The following EYS variants were observed in gnomAD, a reference collection of about 807,000 sequenced individuals.
EYS encodes the protein EGF-like photoreceptor maintenance factor, also known as protein eyes shut homolog.
Under a neutral mutation model 282.1 loss-of-function variants are expected in EYS, and 250 were observed. That is an observed-to-expected ratio of 0.89 (90% CI 0.80 to 0.98). The LOEUF (loss-of-function observed/expected upper bound fraction) is 0.98. Among genes scored for constraint, EYS ranks in the 50% least tolerant of loss-of-function variants. EYS has a pLI of 0.00. For missense variants in EYS, 4,016 were observed against 3,709.0 expected (o/e 1.08, Z -2.15); for synonymous variants, 1,355 against 1,282.9 (o/e 1.06, Z -1.20).
intron 26 of EYS, among the ~76,000 whole-genome samples, chr6:64,586,752 T>G (rs1766246049): frequency 6.6e-6 from 1 of 152,080 alleles, no homozygotes; most frequent in African/African-American, 2.4e-5. Flanking sequence ...TTATCTGCAG[T>G]GTACATTTTT....
chr6:65,500,383 T>A (rs1006136440), intron 2 of EYS, among the ~76,000 whole-genome samples: 2 of 152,038 alleles, frequency 1.3e-5, no homozygotes, highest in African/African-American at 4.8e-5. Context: ...GTTTTCAGAA[T>A]TTTTAGAGTT....
At chr6:63,837,083 A>G (rs1771828248) in intron 36 of EYS, among the ~76,000 whole-genome samples, 1 of 152,082 alleles carries the variant, frequency 6.6e-6, no homozygotes, top group Non-Finnish European at 1.5e-5. Context: ...CATTCAATCA[A>G]TATTTTTTGA....
At chr6:65,449,710 G>A (rs527799023) in intron 5 of EYS, among the ~76,000 whole-genome samples, 1 of 152,048 alleles carries the variant, frequency 6.6e-6, no homozygotes, top group East Asian at 1.9e-4. Context: ...TACGAAGAAA[G>A]GACCTTGTTC....
intron 24 of EYS, among the ~76,000 whole-genome samples, chr6:64,616,442 C>T (rs1052605787): frequency 1.3e-5 from 2 of 152,124 alleles, no homozygotes; most frequent in African/African-American, 2.4e-5. Flanking sequence ...CATATCCCTC[C>T]AAAACAGATG....
At chr6:64,885,497 C>T (rs1397260498) in intron 19 of EYS, among the ~76,000 whole-genome samples, 2 of 151,626 alleles carry the variant, frequency 1.3e-5, no homozygotes, top group African/African-American at 2.4e-5. Context: ...GTAACAACAA[C>T]AAGGTGAATG....
chr6:64,017,271 CA>C (rs1443654765), intron 33 of EYS, among the ~76,000 whole-genome samples: 2 of 151,950 alleles, frequency 1.3e-5, no homozygotes, highest in African/African-American at 4.8e-5. Context: ...AAGAGAATTA[CA>C]GTGCCTGACA....
At chr6:64,128,125 A>C (rs114470094) in intron 31 of EYS, among the ~76,000 whole-genome samples, 4 of 152,116 alleles carry the variant, frequency 2.6e-5, no homozygotes, top group African/African-American at 9.7e-5. Flanking sequence ...TTTCTCCAAT[A>C]TAATAGTAAC....
At chr6:65,240,801 G>T (rs1211358260) in intron 12 of EYS, among the ~76,000 whole-genome samples, 1 of 152,126 alleles carries the variant, frequency 6.6e-6, no homozygotes, top group Non-Finnish European at 1.5e-5. Flanking sequence ...TATATATCCA[G>T]TAATGGGTTT....
At chr6:64,572,209 A>G (rs1389849399) in intron 26 of EYS, among the ~76,000 whole-genome samples, 22 of 152,194 alleles carry the variant, frequency 1.4e-4, no homozygotes, top group Admixed American at 1.4e-3. Context: ...GAAAAGACCT[A>G]CGATAAAATT....
chr6:63,984,229 C>G (rs1463500010), intron 35 of EYS, among the ~76,000 whole-genome samples, 154 bp downstream of exon 35: 1 of 151,700 alleles, frequency 6.6e-6, no homozygotes, highest in Non-Finnish European at 1.5e-5. Context: ...CAAGAATTTA[C>G]CACATGTGTG....
At chr6:63,841,380 G>A (rs1041480886) in intron 36 of EYS, among the ~76,000 whole-genome samples, 5 of 152,058 alleles carry the variant, frequency 3.3e-5, no homozygotes, top group Non-Finnish European at 7.4e-5. Context: ...TTACAACTTT[G>A]CCACTAATTA....
chr6:65,085,263 A>G (rs35791922), intron 12 of EYS, among the ~76,000 whole-genome samples: 6,175 of 152,232 alleles, frequency 0.041, 185 homozygotes, highest in South Asian at 0.064. Flanking sequence ...TTATGACAAC[A>G]TTCAATCAGA....
At position 64,274,486 on chromosome 6, in the gene EYS, T is replaced by TTTTTTTTGTTTG. The variant is rs1554224752; in HGVS notation, c.6191+32483_6191+32484insCAAACAAAAAAA. On this transcript the variant is annotated intron_variant, in intron 30 of 42. Transcript: ENST00000503581. ...GCGAGCCACCACGCCTGGCCGTTTT[T>TTTTTTTTGTTTG]TTTTTTTTTTTTTTTTTACAAATCA... is the stretch of plus-strand genomic sequence containing the variant. 4.8e-3 allele frequency among the ~76,000 whole-genome samples: 705 copies of TTTTTTTTGTTTG among 146,036 alleles called. 15 individuals are homozygous for TTTTTTTTGTTTG. Among genetic ancestry groups the TTTTTTTTGTTTG allele is most frequent in the African/African-American group, 0.018 (674 of 37,432 alleles).
intron 11 of EYS, chr6:65,332,537 A>C (rs761454905): frequency 4.9e-6 from 4 of 811,704 alleles, no homozygotes; most frequent in Non-Finnish European, 8.0e-6. Flanking sequence ...CATTGATCTT[A>C]GTGGTATACA....
At chr6:65,459,968 T>TTATATA (rs34762215) in intron 5 of EYS, among the ~76,000 whole-genome samples, 1,519 of 80,482 alleles carry the variant, frequency 0.019, 16 homozygotes, top group Non-Finnish European at 0.027. Flanking sequence ...TTTGTGTATT[T>TTATATA]TATATATATA....
At chr6:64,481,725 T>C (rs1024425506) in intron 26 of EYS, among the ~76,000 whole-genome samples, 7 of 151,542 alleles carry the variant, frequency 4.6e-5, no homozygotes, top group Admixed American at 2.0e-4. Flanking sequence ...CGGTGTTACA[T>C]AGAAGATCAA....
intron 29 of EYS, among the ~76,000 whole-genome samples, chr6:64,339,782 T>C (rs1164850794): frequency 6.6e-6 from 1 of 151,878 alleles, no homozygotes; most frequent in Non-Finnish European, 1.5e-5. Context: ...ACTATTATTT[T>C]AAGTGAAGTA....
intron 31 of EYS, among the ~76,000 whole-genome samples, chr6:64,127,985 A>G (rs1423114489): frequency 1.3e-5 from 2 of 152,180 alleles, no homozygotes; most frequent in South Asian, 2.1e-4. Flanking sequence ...AATATATTTA[A>G]TCATGAAAAT....
chr6:64,325,918 A>C (rs633105), intron 29 of EYS, among the ~76,000 whole-genome samples: 109,025 of 152,002 alleles, frequency 0.72, 39,307 homozygotes, highest in African/African-American at 0.79. Flanking sequence ...TATTAAATGA[A>C]CAAACCTAAG....
Sources: gnomAD v4.1 joint callset for allele counts (sites outside exome capture counted in the v4.1 genomes callset) on GRCh38, gnomAD v4.1.1 for gene constraint, MANE v1.5 for transcripts, NCBI Gene and HGNC (gene_info 2026-07-23, HGNC 2026-07-21) for gene names.